The following CILP variants were observed in gnomAD, a reference collection of about 807,000 sequenced individuals.
CILP encodes cartilage intermediate layer protein 1.
A neutral mutation model predicts 82.5 loss-of-function variants in CILP; 75 were observed. The observed-to-expected ratio is 0.91, with a 90% CI of 0.75 to 1.10. The LOEUF (loss-of-function observed/expected upper bound fraction) is 1.10. Among genes scored for constraint, CILP ranks in the 50% least tolerant of loss-of-function variants. The pLI, the probability that CILP is intolerant of heterozygous loss-of-function variation, is 0.00. For missense variants in CILP, 1,479 were observed against 1,530.8 expected (o/e 0.97, Z 0.56); for synonymous variants, 530 against 580.3 (o/e 0.91, Z 1.25).
In CILP at chr15:65,198,730, A is replaced by G. The variant is rs2088412626; in HGVS notation, c.1556T>C (p.Met519Thr). The part of the protein sequence containing the change: ...HVYMGNSRVS[M>T]TGYKGTFTLH... ...GGTGAAAGTGCCCTTGTAGCCAGTCATGCTTACACGGCTGTTCCCCATGTA... is the reference window on the plus strand; with the variant it reads ...GGTGAAAGTGCCCTTGTAGCCAGTCGTGCTTACACGGCTGTTCCCCATGTA... Residue 519 changes from methionine to threonine, a missense_variant, in exon 9 of 9, where the codon ATG becomes ACG. Met to Thr is a moderately conservative substitution (Grantham distance 81). Transcript: ENST00000261883. The G allele has an allele frequency of 2.5e-6, 4 of 1,614,086 alleles. No homozygotes were observed. Among genetic ancestry groups the G allele is most frequent in the South Asian group, 2.2e-5 (2 of 91,088 alleles).
Position 65,207,740 on chromosome 15 carries a change from G to T in CILP, c.86C>A (p.Ser29Ter), listed in dbSNP as rs762170963. 5.0e-6 allele frequency: 8 copies of T among 1,614,096 alleles called. No homozygotes were observed. In the South Asian group the frequency reaches 8.8e-5, roughly 18 times the overall value. The change falls in exon 3 of 9, where the codon TCA becomes TAA. Residue 29 changes from serine (S) to a stop codon, truncating the protein, a stop_gained. Transcript: ENST00000261883. LOFTEE classifies it high-confidence loss of function. The stretch of plus-strand genomic sequence containing the variant: ...CTTCCCAGGCTGGACTCTTCTTACT[G>T]ACTGGGTGAGCATCGTCTGTCTCCC... ...VLGRQTMLTQ[S>*]VRRVQPGKKN...
At position 65,197,088 on chromosome 15, in the gene CILP, G is replaced by A. The variant is rs1248549655; in HGVS notation, c.3198C>T (p.Pro1066=). The A allele has an allele frequency of 6.2e-7, 1 of 1,614,166 alleles. No individual in the cohort carries two copies. The highest frequency in any genetic ancestry group is 1.1e-5 in the South Asian group (1 of 91,090). The change falls in exon 9 of 9, where the codon CCC becomes CCT. Residue 1066 remains proline, a synonymous_variant. Coordinates refer to ENST00000261883, the MANE Select transcript of CILP (RefSeq NM_003613.4). ...NDTSEYTMLA[P]LDPLGHNYGI... is the part of the protein sequence containing the mutation. ...CATAGTTGTGGCCCAGTGGGTCCAA[G>A]GGTGCCAGCATGGTGTACTCACTGG... is the stretch of plus-strand genomic sequence containing the variant.
intron 4 of CILP, 42 bp downstream of exon 4, chr15:65,206,740 C>A: frequency 6.4e-7 from 1 of 1,556,162 alleles, no homozygotes; most frequent in Non-Finnish European, 8.7e-7. Context: ...GAGTAGAGGC[C>A]AGTGGGAAGT....
intron 6 of CILP, among the ~76,000 whole-genome samples, chr15:65,204,013 C>T (rs958522867): frequency 4.6e-5 from 7 of 152,336 alleles, no homozygotes; most frequent in Admixed American, 3.3e-4. Context: ...GGCCCTGAGG[C>T]AGGAATGTGC....
chr15:65,204,481 C>T lies in CILP; in HGVS notation c.706G>A (p.Ala236Thr). 6.2e-7 allele frequency: 1 copy of T among 1,613,978 alleles called. No individual in the cohort carries two copies. The highest frequency in any genetic ancestry group is 8.5e-7 in the Non-Finnish European group (1 of 1,179,986). ...TAGATAGCAGCCCCTGAGGCTGGGG[C>T]ACCTCCGGGAAGGGAGACAGCCCCA... Reference protein sequence around the residue: ...LHGAVSLPGGAPASGAAIYLL... With the variant: ...LHGAVSLPGGTPASGAAIYLL... The change falls in exon 6 of 9, where the codon GCC becomes ACC. Residue 236 changes from alanine to threonine, a missense_variant. Ala to Thr is a moderately conservative substitution (Grantham distance 58, BLOSUM62 0). Transcript: ENST00000261883.
intron 1 of CILP, among the ~76,000 whole-genome samples, chr15:65,210,585 G>A (rs1332892419): frequency 6.6e-6 from 1 of 152,226 alleles, no homozygotes; most frequent in Non-Finnish European, 1.5e-5. Context: ...GGGCGTGCGT[G>A]GCCCAGGCCG....
At position 65,203,426 on chromosome 15, in the gene CILP, C is replaced by G; in HGVS notation, c.964G>C (p.Ala322Pro). The G allele has an allele frequency of 6.2e-7, 1 of 1,612,998 alleles. No individual in the cohort carries two copies. The highest frequency in any genetic ancestry group is 8.5e-7 in the Non-Finnish European group (1 of 1,179,972). ...VMNPETKARR[A>P]GQSVSLCCKA... ...CAGCACAGAGACACGCTCTGCCCAG[C>G]TCTCCGTGCTTTTGTCTCAGGGTTC... The change falls in exon 7 of 9, where the codon GCT (alanine) becomes CCT (proline). Residue 322 changes from alanine to proline, a missense_variant. Physicochemically the swap from Ala to Pro is conservative, Grantham distance 27. Transcript: ENST00000261883.
At position 65,205,270 on chromosome 15, in the gene CILP, AGGAG is replaced by A; in HGVS notation, c.604+13_604+16del. ...CACCCACCACACCCTGCCCAGTGCC[AGGAG>A]GGAGGGTGGTACCTGTACAGTCCTG... On this transcript the variant is annotated intron_variant, in intron 5 of 8. Coordinates refer to ENST00000261883, the MANE Select transcript of CILP (RefSeq NM_003613.4). 1 of 1,581,572 alleles carries A rather than the reference AGGAG, an allele frequency of 6.3e-7. No individual in the cohort carries two copies. The highest frequency in any genetic ancestry group is 8.6e-7 in the Non-Finnish European group (1 of 1,156,496).
Position 65,197,864 on chromosome 15 carries a change from C to T in CILP, c.2422G>A (p.Val808Met). 1 of 1,613,848 alleles carries T rather than the reference C, an allele frequency of 6.2e-7. No individual in the cohort carries two copies. ...GACTGGTCATCACAGAAGGCAGGCA[C>T]ACAGGCCCCGTTGGGGCCTGTGATG... ...SVITGPNGAC[V>M]PAFCDDQSPD... Residue 808 changes from valine to methionine, a missense_variant, in exon 9 of 9, where the codon GTG becomes ATG. By Grantham distance (21) the Val-to-Met change is conservative (BLOSUM62 1). Coordinates refer to ENST00000261883, the MANE Select transcript of CILP (RefSeq NM_003613.4).
At chr15:65,202,266 C>A (rs1002447739) in intron 7 of CILP, among the ~76,000 whole-genome samples, 1 of 152,116 alleles carries the variant, frequency 6.6e-6, no homozygotes, top group South Asian at 2.1e-4. Flanking sequence ...CCTCCCCCAC[C>A]CCATCTCACC....
In CILP at chr15:65,198,067, C is replaced by T. The variant is rs1327589806; in HGVS notation, c.2219G>A (p.Arg740Lys). ...LVGNLEIRER[R>K]LFNLDVPESR... Reference sequence around the variant, plus strand: ...TTCAGGAACATCCAGGTTAAAGAGCCTCCTCTCACGAATCTCCAGGTTGCC... The same window carrying T: ...TTCAGGAACATCCAGGTTAAAGAGCTTCCTCTCACGAATCTCCAGGTTGCC... Residue 740 changes from arginine (R) to lysine (K), a missense_variant, in exon 9 of 9, where the codon AGG (arginine) becomes AAG (lysine). Physicochemically the swap from Arg to Lys is conservative, Grantham distance 26. Transcript: ENST00000261883. 1.2e-6 allele frequency: 2 copies of T among 1,614,242 alleles called. No homozygotes were observed. The highest frequency in any genetic ancestry group is 1.7e-6 in the Non-Finnish European group (2 of 1,180,048).
Position 65,203,458 on chromosome 15 carries a change from A to G in CILP, c.932T>C (p.Met311Thr), listed in dbSNP as rs1054491129. ...TGCTTTTGTCTCAGGGTTCATCACC[A>G]TGTATGGAGTCTCTGGGACAGAAAA... The part of the protein sequence containing the change: ...AEFVRAETPY[M>T]VMNPETKARR... Residue 311 changes from methionine (M) to threonine (T), a missense_variant, in exon 7 of 9, where the codon ATG becomes ACG. Transcript: ENST00000261883. The G allele has an allele frequency of 6.2e-7, 1 of 1,612,350 alleles. No homozygotes were observed.
chr15:65,210,460 AG>A (rs1011688238), intron 1 of CILP, among the ~76,000 whole-genome samples: 1 of 152,088 alleles, frequency 6.6e-6, no homozygotes, highest in African/African-American at 2.4e-5. Context: ...GCTGACGGAA[AG>A]CAGAGGGGAT....
rs1325029254 is a variant in CILP, at chr15:65,204,492, A to G, written c.695T>C (p.Leu232Pro). Residue 232 changes from leucine to proline, a missense_variant, in exon 6 of 9, where the codon CTT (leucine) becomes CCT (proline). By Grantham distance (98) the Leu-to-Pro change is moderately conservative. Transcript: ENST00000261883. ...CCCTGAGGCTGGGGCACCTCCGGGA[A>G]GGGAGACAGCCCCATGAAGCATGAA... is the stretch of plus-strand genomic sequence containing the variant. Reference protein sequence around the residue: ...QDFMLHGAVSLPGGAPASGAA... With the variant: ...QDFMLHGAVSPPGGAPASGAA... The G allele has an allele frequency of 6.2e-7, 1 of 1,613,874 alleles. No individual in the cohort carries two copies. The highest frequency in any genetic ancestry group is 8.5e-7 in the Non-Finnish European group (1 of 1,179,980).
rs2088496347 is a variant in CILP, at chr15:65,204,535, C to G, written c.652G>C (p.Ala218Pro). 1 of 1,612,960 alleles carries G rather than the reference C, an allele frequency of 6.2e-7. No homozygotes were observed. The highest frequency in any genetic ancestry group is 8.5e-7 in the Non-Finnish European group (1 of 1,179,750). ...PMGQVNADCD[A>P]CMCQDFMLHG... The stretch of plus-strand genomic sequence containing the variant: ...AGCATGAAGTCCTGGCACATGCAGG[C>G]ATCACAGTCAGCATTCACCTGGCCC... Residue 218 changes from alanine to proline, a missense_variant, in exon 6 of 9, where the codon GCC becomes CCC. Coordinates refer to ENST00000261883, the MANE Select transcript of CILP (RefSeq NM_003613.4).
At chr15:65,203,661 T>C (rs2088485451) in intron 6 of CILP, among the ~76,000 whole-genome samples, 191 bp from the exon 7 acceptor site, 1 of 152,172 alleles carries the variant, frequency 6.6e-6, no homozygotes, top group South Asian at 2.1e-4. Flanking sequence ...CCCCCAATCC[T>C]GGGACCTCTC....
At chr15:65,203,047 G>C (rs2088477436) in intron 7 of CILP, among the ~76,000 whole-genome samples, 1 of 151,960 alleles carries the variant, frequency 6.6e-6, no homozygotes, top group African/African-American at 2.4e-5. Context: ...ATGTTGTCCA[G>C]GCTGGTCTCG....
intron 1 of CILP, among the ~76,000 whole-genome samples, chr15:65,210,702 G>T (rs1221043230): frequency 6.6e-6 from 1 of 152,198 alleles, no homozygotes; most frequent in Non-Finnish European, 1.5e-5. Flanking sequence ...TAAGTCCAGG[G>T]TGTGGTAGGA....
chr15:65,202,787 T>C (rs913090803), intron 7 of CILP, among the ~76,000 whole-genome samples: 1 of 151,332 alleles, frequency 6.6e-6, no homozygotes, highest in Admixed American at 6.6e-5. Flanking sequence ...GTCCTGATGA[T>C]ATACAAGTCT....
Sources: allele counts gnomAD v4.1 joint callset (sites outside exome capture counted in the v4.1 genomes callset), GRCh38; gene constraint gnomAD v4.1.1; transcripts MANE v1.5; gene names NCBI Gene and HGNC (gene_info 2026-07-23, HGNC 2026-07-21).